Variants in MACF1 observed in about 807,000 individuals in gnomAD.
MACF1 encodes microtubule actin crosslinking factor 1, also known as microtubule-actin cross-linking factor 1.
A neutral mutation model predicts 854.8 loss-of-function variants in MACF1; 193 were observed. That is an observed-to-expected ratio of 0.23 (90% CI 0.20 to 0.25). The LOEUF is 0.25. Ranked by LOEUF, MACF1 falls within the 10% of genes least tolerant of loss-of-function variation. MACF1 has a pLI of 1.00. For missense variants in MACF1, 7,722 were observed against 8,929.1 expected (o/e 0.86, Z 5.45); for synonymous variants, 3,185 against 3,226.7 (o/e 0.99, Z 0.44).
At position 39,434,531 on chromosome 1, in the gene MACF1, G is replaced by A. The variant is rs1643931254; in HGVS notation, c.17683G>A (p.Glu5895Lys). 1 of 1,614,022 alleles carries A rather than the reference G, an allele frequency of 6.2e-7. No individual in the cohort carries two copies. The highest frequency in any genetic ancestry group is 8.5e-7 in the Non-Finnish European group (1 of 1,180,014). Residue 5895 changes from glutamate to lysine, a missense_variant, in exon 69 of 101, where the codon GAG (glutamate) becomes AAG (lysine). Around this residue, in one of 15 missense-constraint regions of MACF1, gnomAD observed 2,807 missense variants for 3,235.8 expected, o/e 0.87. Coordinates refer to ENST00000564288, the MANE Select transcript of MACF1 (RefSeq NM_001394062.1). ...LVNQFWETYE[E>K]LSPWIEETRA... is the part of the protein sequence containing the mutation. ...AAACCAGTTTTGGGAAACTTATGAA[G>A]AGCTCAGCCCCTGGATTGAGGAAAC...
intron 2 of MACF1, among the ~76,000 whole-genome samples, chr1:39,245,536 C>T (rs899665174): frequency 2.0e-5 from 3 of 152,164 alleles, no homozygotes; most frequent in African/African-American, 7.2e-5. Context: ...GCATCAGCCT[C>T]CCAAATTGGT....
intron 22 of MACF1, 65 bp from the exon 23 acceptor site, chr1:39,302,859 G>A (rs1426437862): frequency 6.2e-6 from 9 of 1,460,008 alleles, no homozygotes; most frequent in Non-Finnish European, 8.5e-6. Flanking sequence ...TTTGGGATGA[G>A]GCACCAGGAA....
intron 34 of MACF1, 44 bp from the exon 35 acceptor site, chr1:39,324,602 A>AT (rs770583950): frequency 6.7e-7 from 1 of 1,492,970 alleles, no homozygotes; most frequent in Admixed American, 2.0e-5. Flanking sequence ...TTGACTCTTA[A>AT]TTCTTGGGTT....
At position 39,424,080 on chromosome 1, in the gene MACF1, C is replaced by T. The variant is rs546684502; in HGVS notation, c.16202C>T (p.Ala5401Val). 1.2e-6 allele frequency: 2 copies of T among 1,611,670 alleles called. No individual in the cohort carries two copies. The highest frequency in any genetic ancestry group is 1.1e-5 in the South Asian group (1 of 90,912). The change falls in exon 61 of 101, where the codon GCA becomes GTA. Residue 5401 changes from alanine to valine, a missense_variant. Physicochemically the swap from Ala to Val is moderately conservative, Grantham distance 64 (BLOSUM62 0). This residue lies in a region of MACF1 where 2,807 missense variants were observed against 3,235.8 expected (regional missense o/e 0.87). Transcript: ENST00000564288. Reference sequence around the variant, plus strand: ...AAGGCCACAGTAGACATGCTTCAAGCAGAAGGAGGCAGAATAGCCCAGTCA... The same window carrying T: ...AAGGCCACAGTAGACATGCTTCAAGTAGAAGGAGGCAGAATAGCCCAGTCA... ...DRKATVDMLQ[A>V]EGGRIAQSAE...
At chr1:39,241,225 A>T (rs753437414) in intron 2 of MACF1, among the ~76,000 whole-genome samples, 11 of 152,136 alleles carry the variant, frequency 7.2e-5, no homozygotes, top group Non-Finnish European at 1.3e-4. Context: ...GAGAGTAAAT[A>T]ACATTACTTT....
At chr1:39,095,871 T>C (rs1641924477) in intron 2 of MACF1, among the ~76,000 whole-genome samples, 3 of 147,060 alleles carry the variant, frequency 2.0e-5, no homozygotes, top group Admixed American at 6.8e-5. Context: ...GAGATGGCTG[T>C]CTCAAAAAAA....
chr1:39,190,922 G>A (rs1306973757), intron 2 of MACF1, among the ~76,000 whole-genome samples: 2 of 152,166 alleles, frequency 1.3e-5, no homozygotes, highest in Non-Finnish European at 2.9e-5. Flanking sequence ...GAACCTGGGA[G>A]GTGGAGTTTG....
At chr1:39,354,386 CTTTCT>C (rs1438861472) in intron 44 of MACF1, among the ~76,000 whole-genome samples, 10 of 152,020 alleles carry the variant, frequency 6.6e-5, no homozygotes, top group African/African-American at 1.7e-4. Flanking sequence ...ATATGCTCTT[CTTTCT>C]TTTCTTTTAT....
chr1:39,294,424 G>C (rs1184344562), intron 18 of MACF1, among the ~76,000 whole-genome samples: 1 of 152,050 alleles, frequency 6.6e-6, no homozygotes, highest in East Asian at 1.9e-4. Context: ...TATTGATTTA[G>C]GGTTCTTAAA....
At position 39,379,209 on chromosome 1, in the gene MACF1, C is replaced by A; in HGVS notation, c.13283C>A (p.Thr4428Lys). 1.3e-6 allele frequency: 2 copies of A among 1,595,574 alleles called. No individual in the cohort carries two copies. Among genetic ancestry groups the A allele is most frequent in the Non-Finnish European group, 8.5e-7 (1 of 1,170,920 alleles). Residue 4428 changes from threonine (T) to lysine (K), a missense_variant, in exon 54 of 101, where the codon ACG becomes AAG. Thr to Lys is a moderately conservative substitution (Grantham distance 78). This residue lies in a region of MACF1 where 2,807 missense variants were observed against 3,235.8 expected (regional missense o/e 0.87). Transcript: ENST00000564288. ...TCTGTTTCTATGATACTAGATCTGA[C>A]GGAGATCCAGTGTGACATGTCAGAT... The part of the protein sequence containing the change: ...VNGYHTCKDL[T>K]EIQCDMSDVN...
intron 26 of MACF1, among the ~76,000 whole-genome samples, chr1:39,312,789 C>A (rs1211983077): frequency 6.6e-6 from 1 of 152,174 alleles, no homozygotes; most frequent in African/African-American, 2.4e-5. Context: ...CACACCACTA[C>A]ACTCCAGCCT....
At position 39,189,781 on chromosome 1, in the gene MACF1, A is replaced by C. The variant is rs1408180992; in HGVS notation, c.221-41401A>C. Among the ~76,000 whole-genome samples the C allele has an allele frequency of 2.6e-5, 4 of 152,144 alleles. No individual in the cohort carries two copies. In the East Asian group the frequency reaches 7.7e-4, roughly 29 times the overall value. ...GAGTTCTTATAGTCTTGCCCTCCTG[A>C]CACAGCCTGTACTGCTTTATGTTAA... On this transcript the variant is annotated intron_variant, in intron 2 of 93. Coordinates refer to the MACF1 transcript ENST00000361689.
chr1:39,422,315 G>A lies in MACF1; in HGVS notation c.15817-59G>A, dbSNP rs535076928. 9.5e-5 allele frequency: 128 copies of A among 1,348,824 alleles called. 6 individuals are homozygous for A. In the South Asian group the frequency reaches 1.1e-3, roughly 11 times the overall value. The allele number at this position is 1,348,824 out of a possible 1,614,324, so 83.6% of individuals were successfully genotyped here. ...TGCCCCAAGAATAACCAGTCTCTGC[G>A]TGGTATAGAGAGTCTAATAGCCTTT... On this transcript the variant is annotated intron_variant, in intron 58 of 100. Transcript: ENST00000564288.
intron 2 of MACF1, among the ~76,000 whole-genome samples, chr1:39,193,524 C>G (rs1391695989): frequency 6.6e-6 from 1 of 152,190 alleles, no homozygotes; most frequent in African/African-American, 2.4e-5. Context: ...ATCATAATAA[C>G]AAGAGTTGGC....
At position 39,441,997 on chromosome 1, in the gene MACF1, A is replaced by G; in HGVS notation, c.18718A>G (p.Met6240Val). ...LDNTVIKLCT[M>V]PPVGTDLNTV... is the part of the protein sequence containing the mutation. Reference sequence around the variant, plus strand: ...TAACACTGTGATTAAACTCTGCACCATGCCCCCTGTTGGCACTGACCTCAA... The same window carrying G: ...TAACACTGTGATTAAACTCTGCACCGTGCCCCCTGTTGGCACTGACCTCAA... Residue 6240 changes from methionine to valine, a missense_variant, in exon 75 of 101, where the codon ATG becomes GTG. Physicochemically the swap from Met to Val is conservative, Grantham distance 21. This residue lies in a region of MACF1 where 2,807 missense variants were observed against 3,235.8 expected (regional missense o/e 0.87). Transcript: ENST00000564288. 6 of 1,614,182 alleles carry G rather than the reference A, an allele frequency of 3.7e-6. No individual in the cohort carries two copies. The highest frequency in any genetic ancestry group is 5.1e-6 in the Non-Finnish European group (6 of 1,180,022).
chr1:39,187,850 C>CTCTCTCTCTCTCTCTG lies in MACF1; in HGVS notation c.221-43300_221-43285dup, dbSNP rs1378530408. Among the ~76,000 whole-genome samples, 148 of 106,402 alleles carry CTCTCTCTCTCTCTCTG rather than the reference C, an allele frequency of 1.4e-3. 16 individuals carry two copies. The highest frequency in any genetic ancestry group is 0.013 in the East Asian group (40 of 3,102). 69.8% of individuals were successfully genotyped at this position (106,402 alleles called of 152,430 possible). A position where few individuals can be genotyped will look rare whatever the true frequency, so the allele number is the denominator to read the frequency against. On this transcript the variant is annotated intron_variant, in intron 2 of 93. Coordinates refer to the MACF1 transcript ENST00000361689. The stretch of plus-strand genomic sequence containing the variant: ...AGGATATTAATTAGAGGCTGTCTTT[C>CTCTCTCTCTCTCTCTG]TCTCTCTCTCTCTCTGTCTCTCTCT...
At chr1:39,205,760 T>C (rs908616082) in intron 1 of MACF1, among the ~76,000 whole-genome samples, 9 of 150,682 alleles carry the variant, frequency 6.0e-5, no homozygotes, top group African/African-American at 2.2e-4. Flanking sequence ...AGTTAATCCC[T>C]CTCTTCCCTA....
intron 2 of MACF1, among the ~76,000 whole-genome samples, chr1:39,191,776 C>A (rs1571155919): frequency 6.6e-6 from 1 of 152,198 alleles, no homozygotes; most frequent in Admixed American, 6.5e-5. Context: ...TTCTGCATTG[C>A]CACCTGGCTG....
intron 6 of MACF1, among the ~76,000 whole-genome samples, chr1:39,259,461 C>T (rs189728839): frequency 3.9e-4 from 59 of 152,202 alleles, no homozygotes; most frequent in Non-Finnish European, 4.4e-5. Context: ...AGAGTTTCAC[C>T]ATGTTGGCCA....
Sources: gnomAD v4.1 joint callset for allele counts (sites outside exome capture counted in the v4.1 genomes callset) on GRCh38, gnomAD v4.1.1 for gene constraint, gnomAD v4.1.1 regional missense constraint, MANE v1.5 for transcripts, NCBI Gene and HGNC (gene_info 2026-07-23, HGNC 2026-07-21) for gene names.